LHFPL2: variants seen among roughly 807,000 people sequenced by gnomAD.
The protein encoded by LHFPL2 is LHFPL tetraspan subfamily member 2 protein.
In LHFPL2, 7 loss-of-function variants were observed where a neutral mutation model predicts 17.5. The ratio of observed to expected loss-of-function variants is 0.40; its 90% confidence interval spans 0.23 to 0.75. The LOEUF is 0.75. Among genes scored for constraint, LHFPL2 ranks in the 30% least tolerant of loss-of-function variants. LHFPL2 has a pLI of 0.37. For synonymous variants in LHFPL2, 134 were observed against 116.2 expected, an observed-to-expected ratio of 1.15 and a Z score of -0.99; for missense variants, 241 against 294.8, an observed-to-expected ratio of 0.82 and a Z score of 1.34.
intron 3 of LHFPL2, among the ~76,000 whole-genome samples, chr5:78,510,763 AGAG>A (rs970264784): frequency 3.3e-5 from 5 of 152,184 alleles, no homozygotes; most frequent in African/African-American, 1.2e-4. Context: ...AGGGATCCAG[AGAG>A]GAGGAGGCAA....
chr5:78,522,290 T>A (rs551736373), intron 3 of LHFPL2, among the ~76,000 whole-genome samples: 9 of 151,848 alleles, frequency 5.9e-5, no homozygotes, highest in Non-Finnish European at 1.3e-4. Flanking sequence ...AACAAAAATT[T>A]AGCCAGGCAT....
chr5:78,544,752 TACACAC>T (rs34278546), intron 3 of LHFPL2, among the ~76,000 whole-genome samples: 2 of 149,004 alleles, frequency 1.3e-5, no homozygotes, highest in African/African-American at 5.0e-5. Flanking sequence ...GCCATCTTCT[TACACAC>T]ACACACACAC....
intron 2 of LHFPL2, among the ~76,000 whole-genome samples, chr5:78,595,527 T>C (rs1743792889): frequency 6.6e-6 from 1 of 152,176 alleles, no homozygotes; most frequent in African/African-American, 2.4e-5. Context: ...TCCTTTCCTT[T>C]TTTTAGACAG....
rs1580759033 is a variant in LHFPL2, at chr5:78,510,497, C to A, written c.-185-99G>T. 1.7e-5 allele frequency: 7 copies of A among 419,992 alleles called. No homozygotes were observed. In the East Asian group the frequency reaches 2.9e-4, roughly 17 times the overall value. The allele number at this position is 419,992 out of a possible 1,614,324, so 26.0% of individuals were successfully genotyped here. ...CAAGTCCGGCCCGTGCCCGCAGAACCCTGCCAGCAAGCCCCGGGCCTGGCT... is the reference window on the plus strand; with the variant it reads ...CAAGTCCGGCCCGTGCCCGCAGAACACTGCCAGCAAGCCCCGGGCCTGGCT... On this transcript the variant is annotated intron_variant, in intron 3 of 4. Transcript: ENST00000380345.
chr5:78,492,146 G>T (rs1256389006), intron 4 of LHFPL2, among the ~76,000 whole-genome samples: 1 of 152,134 alleles, frequency 6.6e-6, no homozygotes, highest in South Asian at 2.1e-4. Flanking sequence ...TGGGCCTTCT[G>T]TACAATCTCC....
chr5:78,635,461 T>C (rs1425977551), intron 1 of LHFPL2, among the ~76,000 whole-genome samples: 3 of 152,294 alleles, frequency 2.0e-5, no homozygotes, highest in African/African-American at 7.2e-5. Context: ...AATGGATCAT[T>C]TTCCAAGTCT....
rs1364398487 is a variant in LHFPL2 at position 78,509,740 on chromosome 5, C to G, written c.430+44G>C. 4 of 1,575,452 alleles carry G rather than the reference C, an allele frequency of 2.5e-6. No individual in the cohort carries two copies. In the African/African-American group the frequency reaches 5.4e-5, roughly 21 times the overall value. ...ACCAGAGTGCGCTGCACCGGCAGCT[C>G]TCCATCCCTCCATCCCACCGTGCCC... On this transcript the variant is annotated intron_variant, in intron 4 of 4. Coordinates refer to ENST00000380345, the MANE Select transcript of LHFPL2 (RefSeq NM_005779.3).
At chr5:78,632,884 G>C (rs1045920525) in intron 1 of LHFPL2, among the ~76,000 whole-genome samples, 5 of 152,188 alleles carry the variant, frequency 3.3e-5, no homozygotes, top group Non-Finnish European at 4.4e-5. Context: ...GGGCTAAAAT[G>C]AGGAGGTGGC....
chr5:78,568,311 C>T (rs1306473905), intron 2 of LHFPL2, among the ~76,000 whole-genome samples: 1 of 152,158 alleles, frequency 6.6e-6, no homozygotes, highest in African/African-American at 2.4e-5. Flanking sequence ...TGTTTTTGCA[C>T]ATTAAGGAGT....
At chr5:78,633,528 GACGGTGATGCTTGCT>G (rs1156491545) in intron 1 of LHFPL2, among the ~76,000 whole-genome samples, 1 of 152,254 alleles carries the variant, frequency 6.6e-6, no homozygotes, top group African/African-American at 2.4e-5. Context: ...TCCTCTGGGT[GACGGTGATGCTTGCT>G]AAGGGCAAGT....
chr5:78,500,557 A>G (rs940683339), intron 4 of LHFPL2, among the ~76,000 whole-genome samples: 1 of 152,164 alleles, frequency 6.6e-6, no homozygotes, highest in African/African-American at 2.4e-5. Context: ...TACAAGCCCA[A>G]ATGAAATTAG....
At chr5:78,610,205 C>A (rs1471214015) in intron 2 of LHFPL2, among the ~76,000 whole-genome samples, 1 of 152,164 alleles carries the variant, frequency 6.6e-6, no homozygotes, top group Non-Finnish European at 1.5e-5. Context: ...AGGAAAAGAG[C>A]CCTTGGGTGG....
At chr5:78,519,222 T>C (rs572162666) in intron 3 of LHFPL2, among the ~76,000 whole-genome samples, 1 of 152,138 alleles carries the variant, frequency 6.6e-6, no homozygotes. Flanking sequence ...GACTGGATTT[T>C]GGTTAGGTGA....
chr5:78,623,164 T>A (rs191105575), intron 2 of LHFPL2, among the ~76,000 whole-genome samples: 2 of 152,236 alleles, frequency 1.3e-5, no homozygotes, highest in Non-Finnish European at 2.9e-5. Flanking sequence ...ACTTAAGTGA[T>A]TTAGACCTTA....
At chr5:78,533,938 C>T (rs189997558) in intron 3 of LHFPL2, among the ~76,000 whole-genome samples, 62 of 152,332 alleles carry the variant, frequency 4.1e-4, no homozygotes, top group Admixed American at 7.8e-4. Context: ...AGGCCTGAGC[C>T]CTCCTGCAGC....
In LHFPL2 at chr5:78,509,815, GAA is replaced by G. The variant is rs1460372389; in HGVS notation, c.397_398del (p.Phe133GlnfsTer78). 6.2e-7 allele frequency: 1 copy of G among 1,613,384 alleles called. No homozygotes were observed. The highest frequency in any genetic ancestry group is 8.5e-7 in the Non-Finnish European group (1 of 1,179,452). On this transcript the variant is annotated frameshift_variant, in exon 4 of 5. Transcript: ENST00000380345. LOFTEE classifies it high-confidence loss of function. ...CVQSIMKKSIFNVCGLLQGIA... is the reference protein window; with the variant it reads ...CVQSIMKKSIXNVCGLLQGIA... ...TTCCTTGCAACAGCCCACAGACATT[GAA>G]GATGCTTTTCTTCATGATGCTCTGT...
chr5:78,593,388 G>A (rs888936361), intron 2 of LHFPL2, among the ~76,000 whole-genome samples: 7 of 152,046 alleles, frequency 4.6e-5, no homozygotes, highest in African/African-American at 1.4e-4. Context: ...TCTTGTTTTC[G>A]ATTGAGGAAG....
intron 3 of LHFPL2, among the ~76,000 whole-genome samples, chr5:78,511,820 C>G (rs534845272): frequency 6.6e-5 from 10 of 152,222 alleles, no homozygotes; most frequent in Non-Finnish European, 1.3e-4. Context: ...ATTTTGGGGA[C>G]ACAGCTAGTG....
At chr5:78,512,200 T>C (rs1221435334) in intron 3 of LHFPL2, among the ~76,000 whole-genome samples, 1 of 152,094 alleles carries the variant, frequency 6.6e-6, no homozygotes, top group Non-Finnish European at 1.5e-5. Context: ...ACCTGGCCAC[T>C]GCACACAGAA....
Sources: gnomAD v4.1 joint callset for allele counts (sites outside exome capture counted in the v4.1 genomes callset) on GRCh38, gnomAD v4.1.1 for gene constraint, MANE v1.5 for transcripts, NCBI Gene and HGNC (gene_info 2026-07-23, HGNC 2026-07-21) for gene names.